Variants in COL9A1 observed in about 807,000 individuals in gnomAD.
The protein encoded by COL9A1 is collagen alpha-1(IX) chain.
COL9A1 carries 104 observed loss-of-function variants against 142.6 expected under a neutral mutation model. The observed-to-expected ratio is 0.73, with a 90% CI of 0.62 to 0.86. COL9A1 has a LOEUF of 0.86. Ranked by LOEUF, COL9A1 falls within the 40% of genes least tolerant of loss-of-function variation. The pLI, the probability that COL9A1 is intolerant of heterozygous loss-of-function variation, is 0.00. For synonymous variants in COL9A1, 466 were observed against 396.0 expected (o/e 1.18, Z -2.10); for missense variants, 1,210 against 1,176.6 (o/e 1.03, Z -0.42).
At chr6:70,220,389 G>GGTGTGTGTGTGT (rs58525634) in intron 37 of COL9A1, among the ~76,000 whole-genome samples, 4 of 148,598 alleles carry the variant, frequency 2.7e-5, no homozygotes, top group African/African-American at 1.0e-4. Context: ...GGTGTGGCAG[G>GGTGTGTGTGTGT]GTGTGTGTGT....
chr6:70,282,989 C>T, intron 6 of COL9A1, 71 bp from the exon 7 acceptor site: 1 of 1,613,852 alleles, frequency 6.2e-7, no homozygotes, highest in Non-Finnish European at 8.5e-7. Flanking sequence ...ACTTGAGCCG[C>T]GCACAAGCAG....
At chr6:70,243,061 T>C (rs1321686244) in intron 28 of COL9A1, among the ~76,000 whole-genome samples, 1 of 152,224 alleles carries the variant, frequency 6.6e-6, no homozygotes, top group African/African-American at 2.4e-5. Context: ...AAATATTAAT[T>C]TGGAATTCTG....
intron 36 of COL9A1, among the ~76,000 whole-genome samples, chr6:70,230,479 T>C (rs1397025685): frequency 6.6e-6 from 1 of 152,140 alleles, no homozygotes; most frequent in Non-Finnish European, 1.5e-5. Context: ...ATGTTATAGA[T>C]TATGTCATGA....
At chr6:70,273,253 G>A (rs1264109454) in intron 12 of COL9A1, among the ~76,000 whole-genome samples, 2 of 152,078 alleles carry the variant, frequency 1.3e-5, no homozygotes, top group African/African-American at 4.8e-5. Flanking sequence ...AAACACCAAA[G>A]TAATCAATAA....
intron 2 of COL9A1, among the ~76,000 whole-genome samples, chr6:70,300,780 C>T (rs113647563): frequency 1.1e-3 from 165 of 152,228 alleles, no homozygotes; most frequent in African/African-American, 3.3e-3. Flanking sequence ...GGTCAGAAAT[C>T]TGTTTGGAAA....
intron 4 of COL9A1, among the ~76,000 whole-genome samples, chr6:70,299,174 G>A (rs952050062): frequency 1.3e-5 from 2 of 151,720 alleles, no homozygotes; most frequent in Non-Finnish European, 2.9e-5. Flanking sequence ...GCTGTAATCT[G>A]GTACTATTAT....
At chr6:70,260,300 G>T (rs1454263574) in intron 20 of COL9A1, among the ~76,000 whole-genome samples, 1 of 152,026 alleles carries the variant, frequency 6.6e-6, no homozygotes, top group Non-Finnish European at 1.5e-5. Context: ...CCAGTACTTT[G>T]GGAGGCCGAG....
At position 70,252,243 on chromosome 6, in the gene COL9A1, A is replaced by G; in HGVS notation, c.1818+19T>C. On this transcript the variant is annotated intron_variant, in intron 27 of 37. Coordinates refer to ENST00000357250, the MANE Select transcript of COL9A1 (RefSeq NM_001851.6). ...TTACAACAGGTTAGAACTTCAGGAG[A>G]GGTAAAATGGTGTCTTACCGGTTTG... is the stretch of plus-strand genomic sequence containing the variant. 6.2e-7 allele frequency: 1 copy of G among 1,614,086 alleles called. No individual in the cohort carries two copies. Among genetic ancestry groups the G allele is most frequent in the Admixed American group, 1.7e-5 (1 of 60,036 alleles).
intron 28 of COL9A1, 26 bp from the exon 29 acceptor site, chr6:70,242,741 T>G (rs1238749236): frequency 6.2e-7 from 1 of 1,610,666 alleles, no homozygotes; most frequent in Non-Finnish European, 8.5e-7. Flanking sequence ...CATTGTCAAT[T>G]GGATATTTTG....
At chr6:70,215,174 T>G (rs1768427974), downstream of COL9A1, 2 of 152,108 alleles carry the variant, frequency 1.3e-5, no homozygotes, top group African/African-American at 4.8e-5. Context: ...AAAGTCATAT[T>G]TGAAAAAAGG....
intron 10 of COL9A1, chr6:70,280,348 T>C: frequency 8.4e-7 from 1 of 1,187,190 alleles, no homozygotes; most frequent in Non-Finnish European, 1.0e-6. Flanking sequence ...GCTCTGGCCC[T>C]TTGCCTACCT....
chr6:70,247,905 T>G (rs190209189), intron 28 of COL9A1, among the ~76,000 whole-genome samples: 1 of 152,248 alleles, frequency 6.6e-6, no homozygotes, highest in East Asian at 1.9e-4. Flanking sequence ...GTGGCTTAGA[T>G]CTTTCACAAT....
chr6:70,283,892 A>C, intron 5 of COL9A1, 72 bp from the exon 6 acceptor site: 1 of 1,042,568 alleles, frequency 9.6e-7, no homozygotes, highest in Non-Finnish European at 1.5e-6. Context: ...GAGAGAGATG[A>C]GTTGCGTCTA....
intron 5 of COL9A1, among the ~76,000 whole-genome samples, chr6:70,293,217 G>A (rs2127604308): frequency 6.6e-6 from 1 of 152,212 alleles, no homozygotes; most frequent in African/African-American, 2.4e-5. Context: ...AAGAGAGGTT[G>A]GCCTCAAGAT....
In COL9A1 at chr6:70,281,723, C is replaced by T. The variant is rs144984554; in HGVS notation, c.802-259G>A. ...TGGGGGAGGCTTCACTGGTTCTCACCTCTGCAGAGTGCATTAAACCCAGGA... is the reference window on the plus strand; with the variant it reads ...TGGGGGAGGCTTCACTGGTTCTCACTTCTGCAGAGTGCATTAAACCCAGGA... On this transcript the variant is annotated intron_variant, in intron 7 of 37. Coordinates refer to ENST00000357250, the MANE Select transcript of COL9A1 (RefSeq NM_001851.6). Among the ~76,000 whole-genome samples the T allele has an allele frequency of 5.6e-4, 85 of 152,252 alleles. No homozygotes were observed. The East Asian group carries it at 0.015, about 28-fold the overall frequency.
At chr6:70,248,233 G>C (rs1770719724) in intron 28 of COL9A1, among the ~76,000 whole-genome samples, 1 of 152,170 alleles carries the variant, frequency 6.6e-6, no homozygotes, top group Non-Finnish European at 1.5e-5. Flanking sequence ...TGAAAACCAA[G>C]GGGAGGGCCA....
chr6:70,226,461 A>G (rs2127553149), intron 36 of COL9A1, among the ~76,000 whole-genome samples: 1 of 152,210 alleles, frequency 6.6e-6, no homozygotes, highest in South Asian at 2.1e-4. Context: ...TTTTCAGGAG[A>G]TATGAATATA....
chr6:70,302,768 A>T, intron 1 of COL9A1, 143 bp downstream of exon 1: 2 of 942,234 alleles, frequency 2.1e-6, no homozygotes, highest in African/African-American at 1.7e-5. Flanking sequence ...CTCTTGTCTT[A>T]CTCTCTCATC....
chr6:70,221,414 T>C (rs918131274), intron 37 of COL9A1, among the ~76,000 whole-genome samples: 10 of 152,238 alleles, frequency 6.6e-5, no homozygotes, highest in Middle Eastern at 6.3e-3. Flanking sequence ...AATTATAAAC[T>C]GGTTTATGTA....
Sources: allele counts gnomAD v4.1 joint callset (sites outside exome capture counted in the v4.1 genomes callset), GRCh38; gene constraint gnomAD v4.1.1; transcripts MANE v1.5; gene names NCBI Gene and HGNC (gene_info 2026-07-23, HGNC 2026-07-21).